TINAG: variants seen among roughly 807,000 people sequenced by gnomAD.
The protein encoded by TINAG is tubulointerstitial nephritis antigen.
Under a neutral mutation model 72.7 loss-of-function variants are expected in TINAG, and 83 were observed. The observed-to-expected ratio is 1.14, with a 90% CI of 0.96 to 1.37. The LOEUF is 1.37. Among genes scored for constraint, TINAG ranks in the 40% most tolerant of loss-of-function variants. TINAG has a pLI of 0.00. For missense variants in TINAG, 685 were observed against 576.6 expected (o/e 1.19, Z -1.93); for synonymous variants, 234 against 189.9 (o/e 1.23, Z -1.91).
Position 54,337,441 on chromosome 6 carries a change from A to G in TINAG, c.625-5785A>G, listed in dbSNP as rs182574730. On this transcript the variant is annotated intron_variant, in intron 4 of 10. Transcript: ENST00000259782. The stretch of plus-strand genomic sequence containing the variant: ...GCTAATCTTCGTATTTTTAGTAGAG[A>G]CAGGGTTTTGCCATGTTGGCCAGGC... Among the ~76,000 whole-genome samples the G allele has an allele frequency of 9.9e-4, 150 of 152,056 alleles. 1 individual carries two copies. The highest frequency in any genetic ancestry group is 3.5e-3 in the African/African-American group (145 of 41,492).
At chr6:54,358,865 G>C (rs981346800) in intron 9 of TINAG, among the ~76,000 whole-genome samples, 1 of 151,770 alleles carries the variant, frequency 6.6e-6, no homozygotes, top group Admixed American at 6.6e-5. Context: ...TACGGGAAGG[G>C]ATTGACATCT....
intron 9 of TINAG, among the ~76,000 whole-genome samples, chr6:54,365,673 A>AT (rs2150970726): frequency 1.3e-5 from 2 of 151,752 alleles, no homozygotes; most frequent in South Asian, 4.1e-4. Context: ...AAATGAAAAG[A>AT]TTTGATGGGA....
rs560561611 is a variant in TINAG, at chr6:54,384,113, A to G, written c.1296+3542A>G. On this transcript the variant is annotated intron_variant, in intron 10 of 10. Transcript: ENST00000259782. ...CAAACTAACACAGGAACAGAAAACC[A>G]AACACTACATGTTCTCACTCGTAAG... 6.6e-5 allele frequency among the ~76,000 whole-genome samples: 10 copies of G among 152,322 alleles called. No individual in the cohort carries two copies. The South Asian group carries it at 2.1e-3, about 32-fold the overall frequency.
intron 4 of TINAG, among the ~76,000 whole-genome samples, chr6:54,334,463 A>C (rs548707934): frequency 2.6e-5 from 4 of 152,360 alleles, no homozygotes; most frequent in East Asian, 3.9e-4. Context: ...AACTAGTATC[A>C]GAGAAGATAA....
intron 4 of TINAG, 102 bp from the exon 5 acceptor site, chr6:54,343,124 A>G: frequency 9.3e-7 from 1 of 1,070,678 alleles, no homozygotes; most frequent in Non-Finnish European, 1.2e-6. Flanking sequence ...GGATGTATAA[A>G]ATAATTTAAA....
intron 5 of TINAG, among the ~76,000 whole-genome samples, chr6:54,343,945 C>G (rs186597040): frequency 7.2e-5 from 11 of 152,240 alleles, no homozygotes; most frequent in African/African-American, 2.6e-4. Context: ...AGCAATGACT[C>G]TTTTATAGTT....
intron 10 of TINAG, among the ~76,000 whole-genome samples, chr6:54,383,618 G>A (rs772626173): frequency 2.6e-5 from 4 of 152,058 alleles, no homozygotes; most frequent in African/African-American, 9.7e-5. Context: ...TATGAGACAA[G>A]TGAAGCAGAA....
At chr6:54,325,596 ATCT>A (rs753232445) in intron 3 of TINAG, among the ~76,000 whole-genome samples, 1 of 152,094 alleles carries the variant, frequency 6.6e-6, no homozygotes, top group Non-Finnish European at 1.5e-5. Flanking sequence ...TATTTCTCCT[ATCT>A]TCTATTTTAC....
rs558211526 is a variant in TINAG at position 54,308,531 on chromosome 6, C to A, written c.-20C>A. 1.3e-6 allele frequency: 2 copies of A among 1,583,778 alleles called. No homozygotes were observed. Among genetic ancestry groups the A allele is most frequent in the African/African-American group, 2.7e-5 (2 of 73,944 alleles). On this transcript the variant is annotated 5_prime_UTR_variant, in exon 1 of 11. Transcript: ENST00000259782. ...TATTGGATATAACGGAAAGTGGAAG[C>A]TATACCTGACTTCCAGAGAATGTGG... is the stretch of plus-strand genomic sequence containing the variant.
intron 10 of TINAG, among the ~76,000 whole-genome samples, chr6:54,382,306 T>G (rs376541279): frequency 9.9e-5 from 15 of 152,212 alleles, no homozygotes; most frequent in African/African-American, 3.6e-4. Flanking sequence ...AACTGTGTTC[T>G]CCTCATGAGT....
At chr6:54,335,450 A>G (rs1784836470) in intron 4 of TINAG, among the ~76,000 whole-genome samples, 1 of 152,224 alleles carries the variant, frequency 6.6e-6, no homozygotes, top group Non-Finnish European at 1.5e-5. Context: ...TAAGAGTTCT[A>G]TTACACTTAC....
At chr6:54,359,120 T>C (rs543998404) in intron 9 of TINAG, among the ~76,000 whole-genome samples, 1 of 151,998 alleles carries the variant, frequency 6.6e-6, no homozygotes, top group East Asian at 1.9e-4. Flanking sequence ...ACAGAAATCA[T>C]TAAGGTCTTA....
At chr6:54,327,091 A>C in intron 4 of TINAG, 175 bp downstream of exon 4, 4 of 1,547,848 alleles carry the variant, frequency 2.6e-6, no homozygotes, top group Non-Finnish European at 8.7e-7. Flanking sequence ...CAAAAGTTTC[A>C]TATGAGATTT....
chr6:54,362,554 A>G lies in TINAG; in HGVS notation c.1250+7918A>G, dbSNP rs917612735. On this transcript the variant is annotated intron_variant, in intron 9 of 10. Transcript: ENST00000259782. ...CCTAAGAGCTCTGATGGAGATGTAC[A>G]AGGAGATTAATGTTGTCTTCATGTG... Among the ~76,000 whole-genome samples the G allele has an allele frequency of 4.6e-5, 7 of 151,672 alleles. No individual in the cohort carries two copies. The South Asian group carries it at 1.4e-3, about 31-fold the overall frequency.
intron 4 of TINAG, among the ~76,000 whole-genome samples, chr6:54,337,012 T>G (rs1445906444): frequency 1.3e-5 from 2 of 151,988 alleles, no homozygotes; most frequent in Admixed American, 1.3e-4. Context: ...AATACTTTAT[T>G]TATTTTATAA....
At chr6:54,334,153 G>A (rs747146265) in intron 4 of TINAG, among the ~76,000 whole-genome samples, 5 of 152,148 alleles carry the variant, frequency 3.3e-5, no homozygotes, top group Non-Finnish European at 5.9e-5. Flanking sequence ...GTGTTCTCCA[G>A]GCACATAGAC....
At chr6:54,315,700 A>AT (rs1784357716) in intron 1 of TINAG, among the ~76,000 whole-genome samples, 1 of 151,394 alleles carries the variant, frequency 6.6e-6, no homozygotes, top group Non-Finnish European at 1.5e-5. Flanking sequence ...AAGTAAAAAA[A>AT]TTCAAATGTC....
chr6:54,368,024 C>T (rs1408657542), intron 9 of TINAG, among the ~76,000 whole-genome samples: 1 of 151,564 alleles, frequency 6.6e-6, no homozygotes, highest in African/African-American at 2.4e-5. Context: ...AATACCATTG[C>T]AATGGGAGTT....
chr6:54,329,799 G>GA (rs961557641), intron 4 of TINAG, among the ~76,000 whole-genome samples: 15 of 150,816 alleles, frequency 9.9e-5, no homozygotes, highest in Non-Finnish European at 2.1e-4. Context: ...TAAATGGAAA[G>GA]AAAAAAAAGC....
Sources: gnomAD v4.1 joint callset for allele counts (sites outside exome capture counted in the v4.1 genomes callset) on GRCh38, gnomAD v4.1.1 for gene constraint, MANE v1.5 for transcripts, NCBI Gene and HGNC (gene_info 2026-07-23, HGNC 2026-07-21) for gene names.